ANXA11: variants seen among roughly 807,000 people sequenced by gnomAD.
ANXA11 encodes the protein 56 kDa autoantigen.
A neutral mutation model predicts 64.7 loss-of-function variants in ANXA11; 57 were observed. The observed-to-expected ratio is 0.88, with a 90% confidence interval of 0.71 to 1.10. ANXA11 has a LOEUF of 1.10. Among genes scored for constraint, ANXA11 ranks in the 50% least tolerant of loss-of-function variants. The pLI is 0.00. For missense variants in ANXA11, 675 were observed against 670.7 expected, an observed-to-expected ratio of 1.01 and a Z score of -0.07; for synonymous variants, 260 against 265.2, an observed-to-expected ratio of 0.98 and a Z score of 0.19.
At chr10:80,168,862 G>C in intron 5 of ANXA11, 107 bp downstream of exon 5, 3 of 1,242,438 alleles carry the variant, frequency 2.4e-6, no homozygotes, top group Non-Finnish European at 3.2e-6. Flanking sequence ...AACAAGAAGT[G>C]CAGCTGGAGG....
intron 1 of ANXA11, among the ~76,000 whole-genome samples, chr10:80,188,480 CATATATATATATATATATAT>C (rs71034291): frequency 3.0e-5 from 3 of 100,566 alleles, no homozygotes; most frequent in Non-Finnish European, 4.2e-5. Flanking sequence ...AGTATTCTCA[CATATATATATATATATATAT>C]ATATATATAT....
intron 1 of ANXA11, among the ~76,000 whole-genome samples, chr10:80,188,511 A>ATATATATATATATATATG (rs1554834982): frequency 0.027 from 3,381 of 125,610 alleles, 221 homozygotes; most frequent in Non-Finnish European, 0.036. Context: ...ATATATATAT[A>ATATATATATATATATATG]GCACTACAAC....
intron 15 of ANXA11, chr10:80,157,217 C>G: frequency 1.0e-6 from 1 of 985,382 alleles, no homozygotes. Flanking sequence ...GCGTGACCCC[C>G]AGGGCCCTCG....
chr10:80,171,104 G>A, intron 3 of ANXA11, 189 bp from the exon 4 acceptor site: 1 of 1,506,924 alleles, frequency 6.6e-7, no homozygotes, highest in East Asian at 2.5e-5. Flanking sequence ...GCAGAGGAGG[G>A]GAAACCTTCC....
chr10:80,178,172 G>C (rs1846235747), intron 1 of ANXA11, among the ~76,000 whole-genome samples: 1 of 152,126 alleles, frequency 6.6e-6, no homozygotes, highest in Non-Finnish European at 1.5e-5. Flanking sequence ...CACTCCCCAG[G>C]AGAGAGGCAA....
At position 80,169,222 on chromosome 10, in the gene ANXA11, T is replaced by C. The variant is rs777968647; in HGVS notation, c.308A>G (p.Tyr103Cys). 4 of 1,611,884 alleles carry C rather than the reference T, an allele frequency of 2.5e-6. No individual in the cohort carries two copies. The highest frequency in any genetic ancestry group is 1.7e-5 in the Admixed American group (1 of 59,744). ...PPSAQQPVPP[Y>C]GMYPPPGGNP... ...TCCTCCTGGGGGTGGATACATCCCA[T>C]AGGGAGGAACAGGCTGCTGGGCAGA... Residue 103 changes from tyrosine to cysteine, a missense_variant, in exon 5 of 16, where the codon TAT becomes TGT. By Grantham distance (194) the Tyr-to-Cys change is radical. Coordinates refer to ENST00000422982, the MANE Select transcript of ANXA11 (RefSeq NM_145868.2).
chr10:80,161,720 G>C (rs1845513788), intron 12 of ANXA11, among the ~76,000 whole-genome samples: 1 of 152,256 alleles, frequency 6.6e-6, no homozygotes, highest in African/African-American at 2.4e-5. Context: ...AAAGACACCA[G>C]GTTTCTACAC....
At chr10:80,201,147 G>T (rs981647343) in intron 1 of ANXA11, among the ~76,000 whole-genome samples, 1 of 151,984 alleles carries the variant, frequency 6.6e-6, no homozygotes. Context: ...CTCCAACCTC[G>T]CTTCTGCTCA....
intron 1 of ANXA11, among the ~76,000 whole-genome samples, chr10:80,202,175 T>A (rs984913701): frequency 1.4e-5 from 2 of 140,888 alleles, no homozygotes; most frequent in Admixed American, 7.1e-5. Flanking sequence ...GCAGGCATTT[T>A]ATCATCCAGA....
intron 1 of ANXA11, among the ~76,000 whole-genome samples, chr10:80,196,938 A>AC (rs1840198434): frequency 6.6e-6 from 1 of 152,212 alleles, no homozygotes; most frequent in African/African-American, 2.4e-5. Flanking sequence ...CCGGAGCCTC[A>AC]CCAAGGGGCT....
chr10:80,168,255 G>A (rs944993477), intron 5 of ANXA11, among the ~76,000 whole-genome samples: 6 of 151,674 alleles, frequency 4.0e-5, no homozygotes, highest in Admixed American at 1.3e-4. Context: ...TCTGTGCCGG[G>A]GGGGGCGGGG....
intron 1 of ANXA11, among the ~76,000 whole-genome samples, chr10:80,200,001 A>G (rs1238934122): frequency 6.6e-6 from 1 of 152,348 alleles, no homozygotes; most frequent in East Asian, 1.9e-4. Context: ...GCTGTCTGGA[A>G]TGAGGAAGGA....
At chr10:80,163,698 G>A (rs1260967921) in intron 9 of ANXA11, 85 bp from the exon 10 acceptor site, 1 of 1,313,658 alleles carries the variant, frequency 7.6e-7, no homozygotes, top group Non-Finnish European at 1.1e-6. Flanking sequence ...AGTGGGTACT[G>A]GGGAGAAAAA....
chr10:80,164,115 A>T lies in ANXA11; in HGVS notation c.887T>A (p.Ile296Asn), dbSNP rs768813868. The T allele has an allele frequency of 1.2e-6, 2 of 1,614,014 alleles. No individual in the cohort carries two copies. The highest frequency in any genetic ancestry group is 4.5e-5 in the East Asian group (2 of 44,892). ...KGVGTDEACLIEILASRSNEH... is the reference protein window; with the variant it reads ...KGVGTDEACLNEILASRSNEH... ...ATTGCTGCGGGAAGCGAGGATCTCAATCAGGCAGGCTTCATCAGTGCCAAC... is the reference window on the plus strand; with the variant it reads ...ATTGCTGCGGGAAGCGAGGATCTCATTCAGGCAGGCTTCATCAGTGCCAAC... The change falls in exon 9 of 16, where the codon ATT becomes AAT. Residue 296 changes from isoleucine to asparagine, a missense_variant. Transcript: ENST00000422982.
intron 11 of ANXA11, 86 bp from the exon 12 acceptor site, chr10:80,162,114 G>A (rs1278294575): frequency 3.4e-6 from 4 of 1,166,256 alleles, no homozygotes; most frequent in Non-Finnish European, 4.9e-6. Context: ...GTAAACTTCT[G>A]AAGGTTTGAG....
intron 5 of ANXA11, 108 bp from the exon 6 acceptor site, chr10:80,167,421 A>T: frequency 1.1e-6 from 1 of 951,694 alleles, no homozygotes. Flanking sequence ...TAAGAGTTGG[A>T]GTATCTAAAG....
rs35180576 is a variant in ANXA11, at chr10:80,163,215, G to A, written c.1086+134C>T. 127,677 of 957,604 alleles carry A rather than the reference G, an allele frequency of 0.13. 9,848 individuals carry two copies. Among genetic ancestry groups the A allele is most frequent in the Admixed American group, 0.24 (11,704 of 49,400 alleles). 59.3% of individuals were successfully genotyped at this position (957,604 alleles called of 1,614,324 possible). On this transcript the variant is annotated intron_variant, in intron 11 of 15. Transcript: ENST00000422982. ...GTCATACAGTTGAACAGTTCAGCGCGTCTGAAACTCACAGCATCTGCAACC... is the reference window on the plus strand; with the variant it reads ...GTCATACAGTTGAACAGTTCAGCGCATCTGAAACTCACAGCATCTGCAACC...
chr10:80,196,678 AAGCC>A (rs1175469042), intron 1 of ANXA11, among the ~76,000 whole-genome samples: 2 of 152,182 alleles, frequency 1.3e-5, no homozygotes, highest in African/African-American at 4.8e-5. Flanking sequence ...TAAGTCACCG[AAGCC>A]AGCCAGCCAG....
intron 1 of ANXA11, among the ~76,000 whole-genome samples, chr10:80,201,162 A>T (rs1233999413): frequency 6.6e-6 from 1 of 151,928 alleles, no homozygotes; most frequent in African/African-American, 2.4e-5. Context: ...TGCTCACATC[A>T]TCCCACCAAA....
Sources: gnomAD v4.1 joint callset for allele counts (sites outside exome capture counted in the v4.1 genomes callset) on GRCh38, gnomAD v4.1.1 for gene constraint, MANE v1.5 for transcripts, NCBI Gene and HGNC (gene_info 2026-07-23, HGNC 2026-07-21) for gene names.